The following SLC22A4 variants were observed in gnomAD, a reference collection of about 807,000 sequenced individuals.
The protein encoded by SLC22A4 is solute carrier family 22 member 4, also known as ET transporter.
SLC22A4 carries 39 observed loss-of-function variants against 56.6 expected under a neutral mutation model. The ratio of observed to expected loss-of-function variants is 0.69; its 90% CI spans 0.53 to 0.90. SLC22A4 has a LOEUF of 0.90. SLC22A4 is among the 40% of genes least tolerant of loss of function. The pLI, the probability that SLC22A4 is intolerant of heterozygous loss-of-function variation, is 0.00. For synonymous variants in SLC22A4, 241 were observed against 281.4 expected (o/e 0.86, Z 1.44); for missense variants, 594 against 696.5 (o/e 0.85, Z 1.66).
intron 3 of SLC22A4, among the ~76,000 whole-genome samples, chr5:132,318,720 C>T (rs1019535812): frequency 2.0e-5 from 3 of 152,228 alleles, no homozygotes; most frequent in Middle Eastern, 3.4e-3. Flanking sequence ...TATGCTGGCC[C>T]TCATCCTAGC....
At chr5:132,298,705 C>T (rs151194165) in intron 1 of SLC22A4, among the ~76,000 whole-genome samples, 20 of 152,336 alleles carry the variant, frequency 1.3e-4, no homozygotes, top group African/African-American at 3.8e-4. Context: ...ATGCCCCATC[C>T]GGTGGTGGCC....
At chr5:132,340,993 T>C (rs1472179797) in intron 9 of SLC22A4, among the ~76,000 whole-genome samples, 3 of 148,956 alleles carry the variant, frequency 2.0e-5, no homozygotes, top group Non-Finnish European at 1.5e-5. Context: ...GGCAGTCACA[T>C]GTAATCCCAG....
chr5:132,334,913 C>T lies in SLC22A4; in HGVS notation c.1242C>T (p.Phe414=). The T allele has an allele frequency of 6.2e-7, 1 of 1,612,292 alleles. No homozygotes were observed. Among genetic ancestry groups the T allele is most frequent in the Non-Finnish European group, 8.5e-7 (1 of 1,178,792 alleles). The part of the protein sequence containing the change: ...VLFWGGGVLL[F]IQLVPVDYYF... ...TCTGGGGAGGAGGTGTGCTTCTCTT[C>T]ATTCAACTGGTACCTGTGGGTAAGA... Residue 414 remains phenylalanine, a synonymous_variant, in exon 7 of 10, where the codon TTC becomes TTT. Transcript: ENST00000200652.
intron 5 of SLC22A4, among the ~76,000 whole-genome samples, chr5:132,328,242 G>A (rs1750736265): frequency 6.6e-6 from 1 of 152,144 alleles, no homozygotes; most frequent in Non-Finnish European, 1.5e-5. Context: ...ATGGGGCAGG[G>A]CATTCCTGTC....
rs545757330 is a variant in SLC22A4 at position 132,335,802 on chromosome 5, C to T, written c.1262-16C>T. ...CTTCTAAAAGCACCATTGTTTATAC[C>T]GGGTCTCTTTTCCAGATTATTACTT... On this transcript the variant is annotated splice_polypyrimidine_tract_variant and intron_variant, in intron 7 of 9. Coordinates refer to ENST00000200652, the MANE Select transcript of SLC22A4 (RefSeq NM_003059.3). 1.3e-5 allele frequency: 21 copies of T among 1,607,490 alleles called. No homozygotes were observed. The highest frequency in any genetic ancestry group is 8.0e-5 in the African/African-American group (6 of 74,882).
chr5:132,301,211 A>T (rs2126700541), intron 1 of SLC22A4, among the ~76,000 whole-genome samples: 1 of 152,342 alleles, frequency 6.6e-6, no homozygotes, highest in South Asian at 2.1e-4. Context: ...CCCATGGAGC[A>T]TCATTAGGGT....
chr5:132,298,542 A>T (rs1396000560), intron 1 of SLC22A4, among the ~76,000 whole-genome samples: 1 of 152,252 alleles, frequency 6.6e-6, no homozygotes, highest in Non-Finnish European at 1.5e-5. Flanking sequence ...GATTGATTGC[A>T]CAACAGTGTG....
chr5:132,338,474 C>T (rs770740567), intron 8 of SLC22A4, among the ~76,000 whole-genome samples: 5 of 152,126 alleles, frequency 3.3e-5, no homozygotes, highest in African/African-American at 7.2e-5. Flanking sequence ...AGCAGACAAC[C>T]GGTCTGACCA....
chr5:132,331,955 A>G (rs1750870602), intron 6 of SLC22A4, 105 bp downstream of exon 6: 2 of 777,212 alleles, frequency 2.6e-6, no homozygotes, highest in Middle Eastern at 4.9e-4. Flanking sequence ...TTTCCTGAGG[A>G]AAAATTAAGA....
Position 132,305,163 on chromosome 5 carries a change from A to C in SLC22A4, c.394-6998A>C, listed in dbSNP as rs181182402. ...TTAAAAGTAACTCAAGGGCCTTAAC[A>C]GAAGATTTGAACAGGCAAAAGAAAG... On this transcript the variant is annotated intron_variant, in intron 1 of 9. Coordinates refer to ENST00000200652, the MANE Select transcript of SLC22A4 (RefSeq NM_003059.3). Among the ~76,000 whole-genome samples the C allele has an allele frequency of 4.3e-4, 66 of 152,358 alleles. 1 individual carries two copies. The East Asian group carries it at 0.012, about 28-fold the overall frequency.
intron 3 of SLC22A4, among the ~76,000 whole-genome samples, chr5:132,315,678 C>T (rs1211985162): frequency 6.6e-6 from 1 of 152,208 alleles, no homozygotes; most frequent in East Asian, 1.9e-4. Flanking sequence ...GTCAAGCCAG[C>T]CAGTCAGTAG....
chr5:132,319,839 G>C (rs1306907683), intron 3 of SLC22A4, among the ~76,000 whole-genome samples: 2 of 152,156 alleles, frequency 1.3e-5, no homozygotes, highest in South Asian at 2.1e-4. Flanking sequence ...TGATCTGCCT[G>C]CCTTGGCTTC....
At chr5:132,310,368 G>A (rs2126708704) in intron 1 of SLC22A4, among the ~76,000 whole-genome samples, 1 of 152,294 alleles carries the variant, frequency 6.6e-6, no homozygotes, top group East Asian at 1.9e-4. Context: ...CTGAAGCTTT[G>A]GACAATTATT....
At chr5:132,312,381 A>G (rs1477192579) in intron 2 of SLC22A4, 117 bp downstream of exon 2, 2 of 758,442 alleles carry the variant, frequency 2.6e-6, no homozygotes, top group African/African-American at 3.4e-5. Context: ...CCCTCAGGCC[A>G]CTGATTCAGT....
At chr5:132,296,574 A>C (rs1406345012) in intron 1 of SLC22A4, among the ~76,000 whole-genome samples, 1 of 152,112 alleles carries the variant, frequency 6.6e-6, no homozygotes, top group East Asian at 1.9e-4. Context: ...CTGCCTTTGG[A>C]TCCCCCAGCA....
At chr5:132,326,114 T>C (rs1750681608) in intron 4 of SLC22A4, among the ~76,000 whole-genome samples, 1 of 152,222 alleles carries the variant, frequency 6.6e-6, no homozygotes, top group East Asian at 1.9e-4. Context: ...GCTGTAACAT[T>C]GCCTCTTCAA....
chr5:132,334,952 G>C lies in SLC22A4; in HGVS notation c.1261+20G>C. 1 of 1,552,530 alleles carries C rather than the reference G, an allele frequency of 6.4e-7. No homozygotes were observed. The highest frequency in any genetic ancestry group is 8.9e-7 in the Non-Finnish European group (1 of 1,125,282). On this transcript the variant is annotated intron_variant, in intron 7 of 9. Coordinates refer to ENST00000200652, the MANE Select transcript of SLC22A4 (RefSeq NM_003059.3). The stretch of plus-strand genomic sequence containing the variant: ...CTGTGGGTAAGAAGTTAACCAAGAT[G>C]AACAGCTTACCAGAAAAGACCCACA...
intron 9 of SLC22A4, among the ~76,000 whole-genome samples, chr5:132,341,791 T>C (rs1751227201): frequency 6.6e-6 from 1 of 151,858 alleles, no homozygotes; most frequent in African/African-American, 2.4e-5. Flanking sequence ...CTACTAAAAA[T>C]ACAAAAATTA....
chr5:132,335,189 A>G (rs1356554360), intron 7 of SLC22A4, among the ~76,000 whole-genome samples: 2 of 152,164 alleles, frequency 1.3e-5, no homozygotes, highest in African/African-American at 4.8e-5. Context: ...TCACAGAAAG[A>G]CTCACCTAAC....
Sources: allele counts gnomAD v4.1 joint callset (sites outside exome capture counted in the v4.1 genomes callset), GRCh38; gene constraint gnomAD v4.1.1; transcripts MANE v1.5; gene names NCBI Gene and HGNC (gene_info 2026-07-23, HGNC 2026-07-21).